Variants in STK10 observed in about 807,000 individuals in gnomAD.
STK10 encodes the protein serine/threonine kinase 10, also known as serine/threonine-protein kinase 10.
Under a neutral mutation model 113.8 loss-of-function variants are expected in STK10, and 78 were observed. The observed-to-expected ratio is 0.69, with a 90% CI of 0.57 to 0.83. STK10 has a LOEUF of 0.83. STK10 is among the 40% of genes least tolerant of loss of function. The pLI is 0.00. For synonymous variants in STK10, 465 were observed against 494.7 expected (o/e 0.94, Z 0.80); for missense variants, 1,109 against 1,280.1 (o/e 0.87, Z 2.04).
At chr5:172,165,209 G>A (rs752382020) in intron 1 of STK10, among the ~76,000 whole-genome samples, 10 of 146,958 alleles carry the variant, frequency 6.8e-5, no homozygotes, top group Non-Finnish European at 1.1e-4. Context: ...TGCTCCCACC[G>A]CTTCCCGGGA....
intron 1 of STK10, among the ~76,000 whole-genome samples, chr5:172,183,496 C>T (rs1344700170): frequency 1.4e-5 from 2 of 146,738 alleles, no homozygotes; most frequent in Non-Finnish European, 3.0e-5. Context: ...ACTCTCTTGT[C>T]CAGGCTGGAG....
Position 172,093,913 on chromosome 5 carries a change from G to C in STK10, c.1053C>G (p.Ser351Arg). 1 of 1,531,656 alleles carries C rather than the reference G, an allele frequency of 6.5e-7. No homozygotes were observed. Among genetic ancestry groups the C allele is most frequent in the Non-Finnish European group, 8.8e-7 (1 of 1,137,754 alleles). The allele number at this position is 1,531,656 out of a possible 1,614,324, so 94.9% of individuals were successfully genotyped here. The change falls in exon 9 of 19, where the codon AGC (serine) becomes AGG (arginine). Residue 351 changes from serine (S) to arginine (R), a missense_variant. Transcript: ENST00000176763. The surrounding 1 kb of genome is among the most constrained non-coding windows in gnomAD (Gnocchi z 4.1). ...TQNSSEVSPP[S>R]LNADKPLEES... is the part of the protein sequence containing the mutation. The stretch of plus-strand genomic sequence containing the variant: ...CCTCGAGAGGCTTGTCAGCATTGAG[G>C]CTTGGCGGACTCACCTCAGAGGAGT...
rs1436932323 is a variant in STK10 at position 172,107,619 on chromosome 5, G to A, written c.593+161C>T. On this transcript the variant is annotated intron_variant, in intron 5 of 18. Coordinates refer to ENST00000176763, the MANE Select transcript of STK10 (RefSeq NM_005990.4). ...TTTATGGATGAAGAAACTGACGCAC[G>A]GGAAAGCTAAACAGCTTGTCCAAGG... 5.3e-5 allele frequency among the ~76,000 whole-genome samples: 8 copies of A among 152,162 alleles called. No homozygotes were observed. The South Asian group carries it at 1.0e-3, about 20-fold the overall frequency.
intron 2 of STK10, among the ~76,000 whole-genome samples, chr5:172,153,325 A>AGAGAGAGAGAGAG (rs1770283325): frequency 1.4e-5 from 2 of 141,878 alleles, no homozygotes; most frequent in African/African-American, 2.7e-5. Flanking sequence ...AGAAAGAAAG[A>AGAGAGAGAGAGAG]AATGTAAAAT....
In STK10 at chr5:172,107,896, G is replaced by T. The variant is rs765954519; in HGVS notation, c.521-44C>A. 8 of 1,591,664 alleles carry T rather than the reference G, an allele frequency of 5.0e-6. No individual in the cohort carries two copies. The African/African-American group carries it at 5.4e-5, about 11-fold the overall frequency. On this transcript the variant is annotated intron_variant, in intron 4 of 18. Transcript: ENST00000176763. ...GCTAGCGTTTTCCACCCATAGCCCT[G>T]GGGTAAAAGCCGGGGATGTGGACTC...
Position 172,076,464 on chromosome 5 carries a change from G to A in STK10, c.1989+5862C>T, listed in dbSNP as rs1394836933. Among the ~76,000 whole-genome samples, 5 of 103,718 alleles carry A rather than the reference G, an allele frequency of 4.8e-5. No individual in the cohort carries two copies. The South Asian group carries it at 1.3e-3, about 27-fold the overall frequency. The allele number at this position is 103,718 out of a possible 152,430, so 68.0% of individuals were successfully genotyped here. On this transcript the variant is annotated intron_variant, in intron 12 of 18. Coordinates refer to ENST00000176763, the MANE Select transcript of STK10 (RefSeq NM_005990.4). ...TGTCCTGTGCATTTGTTGTGGGGGC[G>A]TCCTGTGCGTTAGTTGTGGGGGCGT...
intron 7 of STK10, among the ~76,000 whole-genome samples, chr5:172,097,564 C>T (rs1768886817): frequency 6.6e-6 from 1 of 152,314 alleles, no homozygotes; most frequent in East Asian, 1.9e-4. Flanking sequence ...TGAGATTCAC[C>T]TACATTGTCG....
intron 1 of STK10, among the ~76,000 whole-genome samples, chr5:172,168,665 G>A (rs1038304844): frequency 1.3e-5 from 2 of 152,140 alleles, no homozygotes; most frequent in Non-Finnish European, 2.9e-5. Flanking sequence ...TACCACCATC[G>A]CCTTTTATGG....
rs6555989 is a variant in STK10 at position 172,042,912 on chromosome 5, T to C, written c.*1970A>G. On this transcript the variant is annotated 3_prime_UTR_variant, in exon 19 of 19. Coordinates refer to ENST00000176763, the MANE Select transcript of STK10 (RefSeq NM_005990.4). ...TTCCCAAGCATTCAGTTATAACCAATGTTGAGAAAATTTCCAGGGAATTGC... is the reference window on the plus strand; with the variant it reads ...TTCCCAAGCATTCAGTTATAACCAACGTTGAGAAAATTTCCAGGGAATTGC... 27,338 of 151,994 alleles carry C rather than the reference T, an allele frequency of 0.18. 4,764 individuals carry two copies. The highest frequency in any genetic ancestry group is 0.46 in the African/African-American group (19,072 of 41,384). The allele number at this position is 151,994 out of a possible 1,614,324, so 9.4% of individuals were successfully genotyped here.
At chr5:172,142,637 T>C (rs1381124484) in intron 2 of STK10, among the ~76,000 whole-genome samples, 2 of 152,206 alleles carry the variant, frequency 1.3e-5, no homozygotes, top group Non-Finnish European at 2.9e-5. Flanking sequence ...CCTCATAAGA[T>C]TTATTGTGAG....
chr5:172,175,099 T>C (rs1259519778), intron 1 of STK10, among the ~76,000 whole-genome samples: 2 of 152,132 alleles, frequency 1.3e-5, no homozygotes, highest in African/African-American at 2.4e-5. Flanking sequence ...CACTGCAGCC[T>C]TGAATTCCTG....
chr5:172,063,437 A>T (rs1561792418), intron 13 of STK10: 1 of 152,176 alleles, frequency 6.6e-6, no homozygotes, highest in Non-Finnish European at 1.5e-5. Flanking sequence ...GCTACTTCAT[A>T]TTCTGGTAGC....
chr5:172,081,028 A>G (rs1318606394), intron 12 of STK10, among the ~76,000 whole-genome samples: 2 of 152,140 alleles, frequency 1.3e-5, no homozygotes, highest in Non-Finnish European at 2.9e-5. Flanking sequence ...GCCAATGCTC[A>G]TTTACCATTT....
chr5:172,078,508 A>C (rs1768359383), intron 12 of STK10, among the ~76,000 whole-genome samples: 1 of 151,516 alleles, frequency 6.6e-6, no homozygotes, highest in African/African-American at 2.4e-5. Flanking sequence ...TTTTTTAAAA[A>C]ATTAGCAGGG....
chr5:172,128,133 G>T (rs1051275236), intron 2 of STK10, among the ~76,000 whole-genome samples: 2 of 146,194 alleles, frequency 1.4e-5, no homozygotes, highest in African/African-American at 5.0e-5. Flanking sequence ...CAGAAAGGAC[G>T]ATTACAGTAG....
intron 7 of STK10, among the ~76,000 whole-genome samples, chr5:172,105,144 C>T (rs1181711513): frequency 7.3e-5 from 11 of 151,298 alleles, no homozygotes; most frequent in African/African-American, 2.7e-4. Context: ...CTCCCCTGGC[C>T]CCTGTGCTCC....
At chr5:172,131,135 G>A (rs1189660512) in intron 2 of STK10, among the ~76,000 whole-genome samples, 5 of 145,852 alleles carry the variant, frequency 3.4e-5, no homozygotes, top group South Asian at 2.2e-4. Context: ...CCAGGTTCAC[G>A]CCATTCTCCT....
chr5:172,183,366 C>A (rs1007388837), intron 1 of STK10, among the ~76,000 whole-genome samples: 3 of 152,132 alleles, frequency 2.0e-5, no homozygotes, highest in Non-Finnish European at 4.4e-5. Context: ...CCCACTCAAT[C>A]TATCACCTTT....
In STK10 at chr5:172,185,161, A is replaced by G. The variant is rs150019816; in HGVS notation, c.156+2726T>C. Reference sequence around the variant, plus strand: ...AGCATGAAAGCAAAGTTCTGCGTTTAAGTTTAAAGGAAGATGAACCCTGTG... The same window carrying G: ...AGCATGAAAGCAAAGTTCTGCGTTTGAGTTTAAAGGAAGATGAACCCTGTG... On this transcript the variant is annotated intron_variant, in intron 1 of 18. Coordinates refer to ENST00000176763, the MANE Select transcript of STK10 (RefSeq NM_005990.4). 4.6e-5 allele frequency among the ~76,000 whole-genome samples: 7 copies of G among 152,238 alleles called. No individual in the cohort carries two copies. In the East Asian group the frequency reaches 1.2e-3, roughly 25 times the overall value.
Sources: allele counts gnomAD v4.1 joint callset (sites outside exome capture counted in the v4.1 genomes callset), GRCh38; gene constraint gnomAD v4.1.1; non-coding constraint Gnocchi (gnomAD v3.1); transcripts MANE v1.5; gene names NCBI Gene and HGNC (gene_info 2026-07-23, HGNC 2026-07-21).